The following GALNT11 variants were observed in gnomAD, a reference collection of about 807,000 sequenced individuals.
The protein encoded by GALNT11 is UDP-GalNAc:polypeptide N-acetylgalactosaminyltransferase 11.
GALNT11 carries 47 observed loss-of-function variants against 72.7 expected under a neutral mutation model. That is an observed-to-expected ratio of 0.65 (90% CI 0.51 to 0.82). GALNT11 has a LOEUF of 0.82. GALNT11 is among the 40% of genes least tolerant of loss of function. The probability of loss-of-function intolerance (pLI) is 0.00; values close to 1 mark genes in which losing one functional copy is unlikely to be tolerated. For synonymous variants in GALNT11, 270 were observed against 286.6 expected (o/e 0.94, Z 0.58); for missense variants, 677 against 778.4 (o/e 0.87, Z 1.55).
At chr7:152,058,578 C>T (rs1334663401) in intron 1 of GALNT11, among the ~76,000 whole-genome samples, 11 of 152,092 alleles carry the variant, frequency 7.2e-5, no homozygotes, top group African/African-American at 2.4e-4. Flanking sequence ...TCAAATGATC[C>T]GCCTGTCTCG....
chr7:152,092,912 A>C (rs1464544590), intron 1 of GALNT11, among the ~76,000 whole-genome samples: 1 of 152,170 alleles, frequency 6.6e-6, no homozygotes, highest in African/African-American at 2.4e-5. Context: ...ATTAGCCTCC[A>C]TGAAGATCAG....
chr7:152,116,419 G>A (rs982094264), intron 8 of GALNT11, among the ~76,000 whole-genome samples: 2 of 151,972 alleles, frequency 1.3e-5, no homozygotes, highest in Admixed American at 6.6e-5. Flanking sequence ...GTATTTTTTC[G>A]TAGAGACACG....
intron 1 of GALNT11, among the ~76,000 whole-genome samples, chr7:152,048,211 T>A (rs2083235921): frequency 6.6e-6 from 1 of 152,054 alleles, no homozygotes; most frequent in Non-Finnish European, 1.5e-5. Flanking sequence ...CCTTCGGCAC[T>A]TTAAATAGGC....
intron 1 of GALNT11, among the ~76,000 whole-genome samples, chr7:152,091,578 A>C (rs530615758): frequency 1.3e-5 from 2 of 152,024 alleles, no homozygotes; most frequent in South Asian, 4.2e-4. Flanking sequence ...GGGTTTCACC[A>C]TGTTGCCCAG....
At chr7:152,078,192 A>AG (rs1015834852) in intron 1 of GALNT11, among the ~76,000 whole-genome samples, 2 of 152,062 alleles carry the variant, frequency 1.3e-5, no homozygotes, top group Admixed American at 1.3e-4. Flanking sequence ...GAGAAGAGGG[A>AG]GGGGGGTAGA....
At chr7:152,084,838 GC>G (rs2085543652) in intron 1 of GALNT11, among the ~76,000 whole-genome samples, 1 of 152,134 alleles carries the variant, frequency 6.6e-6, no homozygotes, top group Non-Finnish European at 1.5e-5. Flanking sequence ...TCCTCAGGGG[GC>G]TTGTTTATGG....
intron 1 of GALNT11, among the ~76,000 whole-genome samples, chr7:152,072,561 CT>C (rs1398791409): frequency 1.3e-5 from 2 of 152,180 alleles, no homozygotes; most frequent in Non-Finnish European, 2.9e-5. Context: ...ATTTTGTGTC[CT>C]TGTTCCTTAG....
intron 1 of GALNT11, among the ~76,000 whole-genome samples, chr7:152,064,504 A>T (rs773440489): frequency 7.2e-5 from 11 of 152,146 alleles, no homozygotes; most frequent in Admixed American, 3.3e-4. Context: ...TTATGATGTT[A>T]GCTGGTTATT....
intron 5 of GALNT11, among the ~76,000 whole-genome samples, chr7:152,106,621 A>T (rs1254908279): frequency 6.6e-6 from 1 of 152,216 alleles, no homozygotes; most frequent in Non-Finnish European, 1.5e-5. Context: ...GGTATTTTCA[A>T]TATTAAGCCA....
intron 1 of GALNT11, among the ~76,000 whole-genome samples, chr7:152,064,570 A>C (rs915763370): frequency 1.3e-5 from 2 of 152,152 alleles, no homozygotes; most frequent in African/African-American, 4.8e-5. Flanking sequence ...ACAATTTGGC[A>C]TGTTTTTGCA....
chr7:152,053,427 T>G (rs1403907641), intron 1 of GALNT11, among the ~76,000 whole-genome samples: 1 of 152,218 alleles, frequency 6.6e-6, no homozygotes, highest in African/African-American at 2.4e-5. Context: ...ATTTGGCCAT[T>G]GGAATTTTAA....
chr7:152,099,734 A>G (rs966787912), intron 2 of GALNT11, among the ~76,000 whole-genome samples: 1 of 143,042 alleles, frequency 7.0e-6, no homozygotes. Context: ...ATTCCCTGAC[A>G]GTTAAACCAG....
intron 1 of GALNT11, among the ~76,000 whole-genome samples, chr7:152,057,032 T>G (rs1252057416): frequency 2.0e-5 from 3 of 147,860 alleles, no homozygotes; most frequent in Admixed American, 6.8e-5. Flanking sequence ...TTTTTTGGTG[T>G]TCTTTGTAGC....
At chr7:152,065,389 G>T (rs955488986) in intron 1 of GALNT11, among the ~76,000 whole-genome samples, 11 of 152,052 alleles carry the variant, frequency 7.2e-5, no homozygotes, top group African/African-American at 2.7e-4. Flanking sequence ...CGATGCATTC[G>T]AACTTCCTCC....
chr7:152,079,563 A>C (rs2085195865), intron 1 of GALNT11, among the ~76,000 whole-genome samples: 1 of 152,252 alleles, frequency 6.6e-6, no homozygotes, highest in Non-Finnish European at 1.5e-5. Flanking sequence ...ATTGTCTTAC[A>C]GAGAAGAGAT....
At chr7:152,085,354 A>G (rs1228782318) in intron 1 of GALNT11, among the ~76,000 whole-genome samples, 1 of 152,244 alleles carries the variant, frequency 6.6e-6, no homozygotes, top group African/African-American at 2.4e-5. Flanking sequence ...TGAAGAACGT[A>G]TTAGTTGATG....
At chr7:152,121,119 C>A (rs1332525632) in intron 11 of GALNT11, 151 bp downstream of exon 11, 3 of 821,996 alleles carry the variant, frequency 3.6e-6, no homozygotes, top group East Asian at 5.4e-5. Context: ...TAGTACAAAC[C>A]CTGTATATAC....
chr7:152,099,416 T>G (rs1327054411), intron 2 of GALNT11, among the ~76,000 whole-genome samples: 1 of 150,430 alleles, frequency 6.6e-6, no homozygotes, highest in African/African-American at 2.4e-5. Context: ...CAGGCTGGAG[T>G]GCAGTGGCGC....
At chr7:152,031,840 C>T (rs1465036369) in intron 1 of GALNT11, among the ~76,000 whole-genome samples, 2 of 152,148 alleles carry the variant, frequency 1.3e-5, no homozygotes, top group East Asian at 1.9e-4. Context: ...CTCTGGGTCT[C>T]CTTGATTAGA....
Sources: allele counts gnomAD v4.1 joint callset (sites outside exome capture counted in the v4.1 genomes callset), GRCh38; gene constraint gnomAD v4.1.1; transcripts MANE v1.5; gene names NCBI Gene and HGNC (gene_info 2026-07-23, HGNC 2026-07-21).